Variants in DPP6 observed in about 807,000 individuals in gnomAD.
DPP6 encodes dipeptidyl peptidase like 6.
DPP6 carries 69 observed loss-of-function variants against 122.6 expected under a neutral mutation model. That is an observed-to-expected ratio of 0.56 (90% confidence interval 0.46 to 0.69). The LOEUF (loss-of-function observed/expected upper bound fraction) is 0.69, where lower values mean the gene tolerates loss of function less well. Among genes scored for constraint, DPP6 ranks in the 30% least tolerant of loss-of-function variants. The pLI is 0.00. For missense variants in DPP6, 928 were observed against 1,116.9 expected (o/e 0.83, Z 2.41); for synonymous variants, 418 against 433.1 (o/e 0.97, Z 0.43).
intron 4 of DPP6, among the ~76,000 whole-genome samples, chr7:154,553,902 CAA>C (rs56020996): frequency 0.17 from 17,292 of 102,770 alleles, 1,066 homozygotes; most frequent in Middle Eastern, 0.24. Context: ...AGCCTAATGC[CAA>C]AAAAAAAAAA....
chr7:154,075,419 A>G (rs1237628738), intron 1 of DPP6, among the ~76,000 whole-genome samples: 2 of 152,040 alleles, frequency 1.3e-5, no homozygotes, highest in South Asian at 2.1e-4. Flanking sequence ...ATGTTCATCA[A>G]CCAAGGAGTA....
At chr7:154,503,616 G>T (rs1280063321) in intron 3 of DPP6, among the ~76,000 whole-genome samples, 1 of 152,194 alleles carries the variant, frequency 6.6e-6, no homozygotes. Flanking sequence ...AACAGCAAAA[G>T]CTTCTCAGTA....
the DPP6 span, among the ~76,000 whole-genome samples, chr7:153,785,787 G>A: frequency 1.3e-5 from 2 of 151,984 alleles, no homozygotes; most frequent in Admixed American, 6.5e-5. Flanking sequence ...CTAGTACCTG[G>A]GACTACTGGT....
chr7:153,871,648 C>T, the DPP6 span, among the ~76,000 whole-genome samples: 1 of 152,182 alleles, frequency 6.6e-6, no homozygotes. Context: ...CAGTGCGCTG[C>T]ACCCACTGTC....
At chr7:154,004,898 T>C (rs1797846691) in intron 1 of DPP6, among the ~76,000 whole-genome samples, 1 of 152,242 alleles carries the variant, frequency 6.6e-6, no homozygotes, top group African/African-American at 2.4e-5. Context: ...TCTCCTAATA[T>C]ATGCTGTCTG....
chr7:153,944,930 T>C (rs986578484), intron 1 of DPP6, among the ~76,000 whole-genome samples: 9 of 152,162 alleles, frequency 5.9e-5, no homozygotes, highest in Admixed American at 2.6e-4. Flanking sequence ...TTCTCTTCTT[T>C]GAACAAACCA....
At chr7:154,052,258 C>T (rs1193001035), upstream of DPP6, among the ~76,000 whole-genome samples, 7 of 151,952 alleles carry the variant, frequency 4.6e-5, no homozygotes, top group Non-Finnish European at 7.4e-5. This position sits in a 1 kb window ranked among gnomAD's most constrained non-coding sequence, Gnocchi z 4.8. Context: ...GACCCCGTGC[C>T]CTCTCCGGGC....
At chr7:153,774,164 C>T in the DPP6 span, among the ~76,000 whole-genome samples, 6,408 of 152,108 alleles carry the variant, frequency 0.042, 161 homozygotes, top group South Asian at 0.046. Flanking sequence ...TTACTGGAAG[C>T]CAAATATGAG....
At chr7:154,781,566 T>TA (rs1295679217) in intron 10 of DPP6, among the ~76,000 whole-genome samples, 10 of 152,248 alleles carry the variant, frequency 6.6e-5, no homozygotes, top group Admixed American at 6.5e-4. Flanking sequence ...CAGATGTTTT[T>TA]ATGCAACTGC....
chr7:154,294,007 A>T (rs1805373447), intron 1 of DPP6, among the ~76,000 whole-genome samples: 1 of 152,196 alleles, frequency 6.6e-6, no homozygotes, highest in African/African-American at 2.4e-5. Context: ...CTAGATGTCC[A>T]TTGCTTTACA....
intron 5 of DPP6, among the ~76,000 whole-genome samples, chr7:154,601,979 A>G (rs972201903): frequency 1.6e-5 from 2 of 121,514 alleles, no homozygotes; most frequent in African/African-American, 5.2e-5. Context: ...ATTTGCTATT[A>G]GGTTGGTGCA....
intron 1 of DPP6, among the ~76,000 whole-genome samples, chr7:154,063,735 C>A (rs548446038): frequency 1.3e-5 from 2 of 149,130 alleles, no homozygotes; most frequent in East Asian, 4.0e-4. Context: ...TCTTCCCCCC[C>A]GGCTTAGGAC....
chr7:154,628,579 T>A (rs1299649448), intron 5 of DPP6, among the ~76,000 whole-genome samples: 2 of 152,212 alleles, frequency 1.3e-5, no homozygotes, highest in African/African-American at 2.4e-5. Context: ...TAGGACAACA[T>A]GTCTTCCCAG....
Position 154,720,871 on chromosome 7 carries a change from G to GTA in DPP6, c.763-6895_763-6894insAT, listed in dbSNP as rs372340663. ...GGTCTCCTGCCAGTGTGGGCCTGCA[G>GTA]TCACCGGGCAGCTGACGACAAAACT... On this transcript the variant is annotated intron_variant, in intron 7 of 25. Transcript: ENST00000377770. 6.7e-3 allele frequency among the ~76,000 whole-genome samples: 1,025 copies of GTA among 152,368 alleles called. 13 individuals are homozygous for GTA. Among genetic ancestry groups the GTA allele is most frequent in the African/African-American group, 0.023 (976 of 41,590 alleles).
the DPP6 span, among the ~76,000 whole-genome samples, chr7:153,808,703 T>A: frequency 6.6e-6 from 1 of 152,052 alleles, no homozygotes; most frequent in Non-Finnish European, 1.5e-5. Context: ...GGTATAATGT[T>A]CGTATTCTTG....
At chr7:153,789,852 C>A in the DPP6 span, among the ~76,000 whole-genome samples, 4 of 152,134 alleles carry the variant, frequency 2.6e-5, no homozygotes, top group Non-Finnish European at 5.9e-5. Context: ...GGTGTACATT[C>A]ATTTCTCTAT....
At chr7:154,319,622 G>C (rs1807745966) in intron 1 of DPP6, among the ~76,000 whole-genome samples, 1 of 152,086 alleles carries the variant, frequency 6.6e-6, no homozygotes, top group Non-Finnish European at 1.5e-5. Context: ...TTGAACCCAG[G>C]AGGCGGAGGT....
intron 1 of DPP6, among the ~76,000 whole-genome samples, chr7:154,060,809 C>G (rs1389952868): frequency 7.7e-6 from 1 of 129,196 alleles, no homozygotes; most frequent in African/African-American, 3.1e-5. Context: ...GGGGACGCAC[C>G]CCCCATGAGG....
chr7:154,017,069 C>G (rs1798451138), intron 1 of DPP6, among the ~76,000 whole-genome samples: 1 of 152,102 alleles, frequency 6.6e-6, no homozygotes, highest in African/African-American at 2.4e-5. Flanking sequence ...CTATAGTTAA[C>G]AATATATGTT....
Sources: allele counts gnomAD v4.1 joint callset (sites outside exome capture counted in the v4.1 genomes callset), GRCh38; gene constraint gnomAD v4.1.1; non-coding constraint Gnocchi (gnomAD v3.1); transcripts MANE v1.5; gene names NCBI Gene and HGNC (gene_info 2026-07-23, HGNC 2026-07-21).